The following PPARGC1A variants were observed in gnomAD, a reference collection of about 807,000 sequenced individuals.
PPARGC1A encodes PPARG coactivator 1 alpha.
PPARGC1A carries 25 observed loss-of-function variants against 88.7 expected under a neutral mutation model. That is an observed-to-expected ratio of 0.28 (90% CI 0.21 to 0.39). The LOEUF is 0.39. PPARGC1A is among the 10% of genes least tolerant of loss of function. The pLI is 1.00. For missense variants in PPARGC1A, 880 were observed against 968.7 expected, an observed-to-expected ratio of 0.91 and a Z score of 1.22; for synonymous variants, 363 against 355.6, an observed-to-expected ratio of 1.02 and a Z score of -0.24.
At chr4:24,037,823 C>A in the PPARGC1A span, among the ~76,000 whole-genome samples, 2 of 152,180 alleles carry the variant, frequency 1.3e-5, no homozygotes, top group African/African-American at 2.4e-5. Context: ...ATTTACCTGG[C>A]TGTCATCCCC....
the PPARGC1A span, among the ~76,000 whole-genome samples, chr4:24,170,854 G>A: frequency 1.3e-5 from 2 of 152,224 alleles, no homozygotes; most frequent in South Asian, 4.2e-4. Context: ...ATCTTGCAAG[G>A]CATATTCCAA....
chr4:24,140,815 C>T, the PPARGC1A span, among the ~76,000 whole-genome samples: 2 of 152,160 alleles, frequency 1.3e-5, no homozygotes, highest in Non-Finnish European at 2.9e-5. Flanking sequence ...TCCTCAGAAA[C>T]AATCGAGAGA....
the PPARGC1A span, among the ~76,000 whole-genome samples, chr4:24,027,274 A>G: frequency 7.2e-6 from 1 of 139,350 alleles, no homozygotes; most frequent in South Asian, 2.3e-4. Flanking sequence ...TGTAATGCCA[A>G]CTCCACCATT....
chr4:23,882,787 T>C (rs1577647655), intron 2 of PPARGC1A: 1 of 152,286 alleles, frequency 6.6e-6, no homozygotes, highest in South Asian at 2.1e-4. Context: ...AACTAGATGC[T>C]GAACCAAGTC....
the PPARGC1A span, among the ~76,000 whole-genome samples, chr4:24,086,683 T>G: frequency 6.6e-6 from 1 of 152,216 alleles, no homozygotes; most frequent in South Asian, 2.1e-4. Context: ...AGTATGGATG[T>G]GCTTTGCACA....
intron 2 of PPARGC1A, among the ~76,000 whole-genome samples, chr4:23,851,866 C>A (rs754338840): frequency 6.6e-6 from 1 of 152,128 alleles, no homozygotes; most frequent in Non-Finnish European, 1.5e-5. Context: ...TATACTACAT[C>A]CAGTGCTTCT....
At chr4:24,010,985 T>TA in the PPARGC1A span, among the ~76,000 whole-genome samples, 1 of 152,100 alleles carries the variant, frequency 6.6e-6, no homozygotes, top group Non-Finnish European at 1.5e-5. Flanking sequence ...TCTGTTCAAC[T>TA]ACGATAATGA....
chr4:24,437,208 G>A, the PPARGC1A span, among the ~76,000 whole-genome samples: 1 of 152,220 alleles, frequency 6.6e-6, no homozygotes, highest in Non-Finnish European at 1.5e-5. Context: ...TCATGGCACA[G>A]CCTCAGGGAC....
chr4:23,973,912 G>A, the PPARGC1A span, among the ~76,000 whole-genome samples: 8 of 151,596 alleles, frequency 5.3e-5, no homozygotes, highest in East Asian at 3.9e-4. Context: ...GGTGGGCTAC[G>A]GAGGAGGAAA....
At chr4:24,242,602 C>G in the PPARGC1A span, among the ~76,000 whole-genome samples, 1 of 152,218 alleles carries the variant, frequency 6.6e-6, no homozygotes, top group Non-Finnish European at 1.5e-5. Flanking sequence ...TCTCCCTCTA[C>G]TGATCTATCT....
chr4:24,250,140 G>A, the PPARGC1A span, among the ~76,000 whole-genome samples: 1 of 152,272 alleles, frequency 6.6e-6, no homozygotes, highest in South Asian at 2.1e-4. Flanking sequence ...GGTGTAACAT[G>A]GGCAGAACAC....
At chr4:23,929,274 A>C in the PPARGC1A span, among the ~76,000 whole-genome samples, 5 of 152,356 alleles carry the variant, frequency 3.3e-5, no homozygotes, top group East Asian at 9.6e-4. Flanking sequence ...CTATAGACAA[A>C]ATGAGACAGA....
At chr4:24,257,081 G>A in the PPARGC1A span, among the ~76,000 whole-genome samples, 2,311 of 152,184 alleles carry the variant, frequency 0.015, 62 homozygotes, top group African/African-American at 0.053. Flanking sequence ...GGATGAATAG[G>A]ACAAGTAGAA....
the PPARGC1A span, among the ~76,000 whole-genome samples, chr4:24,229,910 C>A: frequency 6.6e-6 from 1 of 151,048 alleles, no homozygotes; most frequent in Non-Finnish European, 1.5e-5. Context: ...GCCTCTTGGT[C>A]TCTGGGATTC....
chr4:24,089,514 C>T, the PPARGC1A span, among the ~76,000 whole-genome samples: 10,651 of 38,234 alleles, frequency 0.28, 1,592 homozygotes, highest in African/African-American at 0.48. Flanking sequence ...TCTTTTCTTT[C>T]TTTTTTTTTT....
chr4:23,953,510 G>A, the PPARGC1A span, among the ~76,000 whole-genome samples: 1 of 152,074 alleles, frequency 6.6e-6, no homozygotes, highest in African/African-American at 2.4e-5. Context: ...ATATTTGAAT[G>A]ATCAGCTTTT....
the PPARGC1A span, among the ~76,000 whole-genome samples, chr4:24,198,575 C>T: frequency 6.6e-6 from 1 of 152,178 alleles, no homozygotes; most frequent in African/African-American, 2.4e-5. Context: ...TCAGTCAGGT[C>T]CCCCGTTTAA....
intron 10 of PPARGC1A, among the ~76,000 whole-genome samples, chr4:23,810,516 A>G (rs1387626571): frequency 1.3e-5 from 2 of 152,156 alleles, no homozygotes; most frequent in Non-Finnish European, 2.9e-5. Context: ...CTCTATCTGT[A>G]AAGGGCCGAA....
chr4:24,326,263 C>T, the PPARGC1A span, among the ~76,000 whole-genome samples: 1 of 152,172 alleles, frequency 6.6e-6, no homozygotes, highest in East Asian at 1.9e-4. Flanking sequence ...TACAGCATGG[C>T]CTTTTGAAGC....
Sources: allele counts gnomAD v4.1 joint callset (sites outside exome capture counted in the v4.1 genomes callset), GRCh38; gene constraint gnomAD v4.1.1; transcripts MANE v1.5; gene names NCBI Gene and HGNC (gene_info 2026-07-23, HGNC 2026-07-21).